LMBR1: variants seen among roughly 807,000 people sequenced by gnomAD.
LMBR1 encodes the protein limb region 1 protein homolog.
A neutral mutation model predicts 73.9 loss-of-function variants in LMBR1; 52 were observed. The ratio of observed to expected loss-of-function variants is 0.70; its 90% CI spans 0.56 to 0.89. The LOEUF is 0.89. Ranked by LOEUF, LMBR1 falls within the 40% of genes least tolerant of loss-of-function variation. The pLI is 0.00. For synonymous variants in LMBR1, 215 were observed against 209.4 expected (o/e 1.03, Z -0.23); for missense variants, 539 against 579.8 (o/e 0.93, Z 0.72).
chr7:156,719,943 C>T (rs1814157986), intron 15 of LMBR1, among the ~76,000 whole-genome samples: 1 of 151,184 alleles, frequency 6.6e-6, no homozygotes, highest in East Asian at 1.9e-4. Context: ...ACACCTTATA[C>T]AAAAATTAAT....
chr7:156,725,661 T>C (rs1441756368), intron 13 of LMBR1, 103 bp downstream of exon 13: 2 of 1,264,210 alleles, frequency 1.6e-6, no homozygotes, highest in Admixed American at 2.1e-5. Context: ...GACTAACCTG[T>C]TGTTTTCTCT....
At chr7:156,807,299 G>A (rs1457858766) in intron 4 of LMBR1, among the ~76,000 whole-genome samples, 1 of 152,140 alleles carries the variant, frequency 6.6e-6, no homozygotes, top group African/African-American at 2.4e-5. Context: ...GTGCAGAACT[G>A]CTATTATTTC....
downstream of LMBR1, among the ~76,000 whole-genome samples, chr7:156,674,714 TATTCA>T (rs1803412642): frequency 6.6e-6 from 1 of 152,222 alleles, no homozygotes; most frequent in Non-Finnish European, 1.5e-5. Flanking sequence ...CAAAGTACTG[TATTCA>T]ATTAATAAAC....
At position 156,679,145 on chromosome 7, in the gene LMBR1, GTGGCGTTC is replaced by G. The variant is rs1458616255; in HGVS notation, c.*4925_*4932del. 3 of 152,192 alleles carry G rather than the reference GTGGCGTTC, an allele frequency of 2.0e-5. No homozygotes were observed. The highest frequency in any genetic ancestry group is 4.4e-5 in the Non-Finnish European group (3 of 68,060). The allele number at this position is 152,192 out of a possible 1,614,324, so 9.4% of individuals were successfully genotyped here. A position where few individuals can be genotyped will look rare whatever the true frequency, so the allele number is the denominator to read the frequency against. ...CAGGCAAATGTCTGCAGCTTTCTCA[GTGGCGTTC>G]CTTGTCGGTAAAATGCAGATGTGTA... On this transcript the variant is annotated 3_prime_UTR_variant, in exon 17 of 17. Coordinates refer to ENST00000353442, the MANE Select transcript of LMBR1 (RefSeq NM_022458.4).
chr7:156,781,721 G>C (rs1193014979), intron 5 of LMBR1, among the ~76,000 whole-genome samples: 1 of 152,034 alleles, frequency 6.6e-6, no homozygotes, highest in Non-Finnish European at 1.5e-5. Flanking sequence ...ACATTACCAT[G>C]ACCATCCTCC....
intron 4 of LMBR1, among the ~76,000 whole-genome samples, chr7:156,807,983 T>C (rs921224340): frequency 6.6e-6 from 1 of 152,160 alleles, no homozygotes; most frequent in Non-Finnish European, 1.5e-5. Context: ...ACAGAGTGTA[T>C]CTTGTATGAC....
intron 9 of LMBR1, among the ~76,000 whole-genome samples, chr7:156,740,026 T>C (rs945609264): frequency 1.3e-5 from 2 of 152,080 alleles, no homozygotes; most frequent in Non-Finnish European, 2.9e-5. Flanking sequence ...TTCAGAATTT[T>C]ATCAGATAAA....
At chr7:156,857,852 C>T (rs1470162184) in intron 1 of LMBR1, among the ~76,000 whole-genome samples, 3 of 151,970 alleles carry the variant, frequency 2.0e-5, no homozygotes, top group Non-Finnish European at 4.4e-5. Context: ...CTAAATAACA[C>T]ATCATCAAAG....
chr7:156,841,873 T>A (rs183386974), intron 1 of LMBR1, among the ~76,000 whole-genome samples: 35 of 152,244 alleles, frequency 2.3e-4, no homozygotes, highest in Admixed American at 5.9e-4. Context: ...CGTGTTTTTT[T>A]AAAAAATGAA....
At chr7:156,698,952 A>G (rs543845417) in intron 15 of LMBR1, among the ~76,000 whole-genome samples, 29 of 152,138 alleles carry the variant, frequency 1.9e-4, no homozygotes, top group Non-Finnish European at 4.0e-4. Flanking sequence ...TCCTTTTAAA[A>G]CTGAATGCCT....
At chr7:156,866,863 A>G (rs1798543636) in intron 1 of LMBR1, among the ~76,000 whole-genome samples, 1 of 152,086 alleles carries the variant, frequency 6.6e-6, no homozygotes, top group African/African-American at 2.4e-5. Context: ...TGGCCTCCCA[A>G]AGTGCTGGGA....
intron 15 of LMBR1, among the ~76,000 whole-genome samples, chr7:156,716,636 CTTAT>C (rs1315445234): frequency 1.3e-5 from 2 of 152,184 alleles, no homozygotes; most frequent in African/African-American, 2.4e-5. Flanking sequence ...TAAATATGTC[CTTAT>C]TTCTTTTGGT....
chr7:156,819,501 A>T (rs1264012653), intron 4 of LMBR1, among the ~76,000 whole-genome samples: 1 of 152,224 alleles, frequency 6.6e-6, no homozygotes, highest in Non-Finnish European at 1.5e-5. Flanking sequence ...TTTATTGAAC[A>T]CTTTCAACAT....
At chr7:156,785,542 G>A (rs1827918965) in intron 5 of LMBR1, among the ~76,000 whole-genome samples, 1 of 152,174 alleles carries the variant, frequency 6.6e-6, no homozygotes, top group East Asian at 1.9e-4. Flanking sequence ...TTGAGAAGGA[G>A]TTTCTGAACG....
chr7:156,802,814 TG>T lies in LMBR1; in HGVS notation c.320-6323del, dbSNP rs201224021. Among the ~76,000 whole-genome samples, 221 of 152,114 alleles carry T rather than the reference TG, an allele frequency of 1.5e-3. 9 individuals are homozygous for T. The East Asian group carries it at 0.039, about 27-fold the overall frequency. On this transcript the variant is annotated intron_variant, in intron 4 of 16. Coordinates refer to ENST00000353442, the MANE Select transcript of LMBR1 (RefSeq NM_022458.4). ...CTGATTCCCAGTCAGCCACTGACTC[TG>T]CACTTTAGAAAAGAACTCAGAAATA...
At chr7:156,759,077 G>C (rs1822475023) in intron 8 of LMBR1, among the ~76,000 whole-genome samples, 1 of 152,194 alleles carries the variant, frequency 6.6e-6, no homozygotes, top group Admixed American at 6.5e-5. Context: ...TAGCAGAAGA[G>C]AGCAGATGAA....
At chr7:156,684,840 C>A (rs1805679739) in intron 16 of LMBR1, among the ~76,000 whole-genome samples, 2 of 152,050 alleles carry the variant, frequency 1.3e-5, no homozygotes, top group Non-Finnish European at 2.9e-5. Flanking sequence ...GCCTATAATC[C>A]CAGCACTCTG....
intron 9 of LMBR1, among the ~76,000 whole-genome samples, chr7:156,737,069 C>T (rs1383281881): frequency 1.3e-5 from 2 of 152,152 alleles, no homozygotes; most frequent in Non-Finnish European, 2.9e-5. Flanking sequence ...GTTTCCTACG[C>T]AGCCCGTATC....
At chr7:156,859,248 C>CAAAA (rs35511512) in intron 1 of LMBR1, among the ~76,000 whole-genome samples, 1 of 134,160 alleles carries the variant, frequency 7.5e-6, no homozygotes, top group African/African-American at 2.8e-5. Context: ...AACTCCGTCT[C>CAAAA]AAAAAAAAAA....
Sources: gnomAD v4.1 joint callset for allele counts (sites outside exome capture counted in the v4.1 genomes callset) on GRCh38, gnomAD v4.1.1 for gene constraint, MANE v1.5 for transcripts, NCBI Gene and HGNC (gene_info 2026-07-23, HGNC 2026-07-21) for gene names.